Variants in MECOM observed in about 807,000 individuals in gnomAD.
MECOM encodes the protein histone-lysine N-methyltransferase MECOM.
A neutral mutation model predicts 116.3 loss-of-function variants in MECOM; 13 were observed. The observed-to-expected ratio is 0.11, with a 90% CI of 0.07 to 0.18. The LOEUF is 0.18. Among genes scored for constraint, MECOM ranks in the 10% least tolerant of loss-of-function variants. MECOM has a pLI of 1.00. For missense variants in MECOM, 1,299 were observed against 1,509.0 expected (o/e 0.86, Z 2.31); for synonymous variants, 528 against 535.2 (o/e 0.99, Z 0.19).
intron 1 of MECOM, among the ~76,000 whole-genome samples, chr3:169,487,536 GAAAAATA>G (rs1269286141): frequency 3.3e-5 from 5 of 151,270 alleles, no homozygotes; most frequent in Admixed American, 1.3e-4. Context: ...GTAGGAGAGG[GAAAAATA>G]AAAAATAAAT....
At position 169,090,013 on chromosome 3, in the gene MECOM, T is replaced by C; in HGVS notation, c.3388A>G (p.Thr1130Ala). The C allele has an allele frequency of 6.2e-7, 1 of 1,613,274 alleles. No individual in the cohort carries two copies. The highest frequency in any genetic ancestry group is 1.1e-5 in the South Asian group (1 of 91,002). Residue 1130 changes from threonine to alanine, a missense_variant, in exon 15 of 17, where the codon ACA becomes GCA. Thr to Ala is a moderately conservative substitution (Grantham distance 58, BLOSUM62 0). This residue lies in a region of MECOM where 273 missense variants were observed against 289.3 expected (regional missense o/e 0.94). Transcript: ENST00000651503. The part of the protein sequence containing the change: ...ETSALEMSCK[T>A]SPVRYKEEEY... ...CAAGGTACTCACCTCACTGGGGATG[T>C]CTTGCAACTCATCTCCAGGGCACTG...
intron 1 of MECOM, among the ~76,000 whole-genome samples, chr3:169,640,399 A>G (rs1005075028): frequency 4.6e-5 from 7 of 152,246 alleles, no homozygotes; most frequent in African/African-American, 1.7e-4. Flanking sequence ...TCACCATTCT[A>G]AAATTTTAAT....
chr3:169,591,229 C>G (rs529280051), intron 1 of MECOM, among the ~76,000 whole-genome samples: 8 of 152,254 alleles, frequency 5.3e-5, no homozygotes, highest in African/African-American at 1.7e-4. Context: ...ATAACAGAAT[C>G]CTTTTGTACA....
At chr3:169,086,398 A>G (rs1717753754) in intron 16 of MECOM, 1 of 595,478 alleles carries the variant, frequency 1.7e-6, no homozygotes. Context: ...GAACAAGATA[A>G]AGAGTACTCT....
chr3:169,287,773 G>A (rs1713644438), intron 2 of MECOM, among the ~76,000 whole-genome samples: 1 of 152,148 alleles, frequency 6.6e-6, no homozygotes, highest in African/African-American at 2.4e-5. Flanking sequence ...GGAAGAGCAA[G>A]AACATATTAG....
At chr3:169,288,815 T>C (rs1713893629) in intron 2 of MECOM, among the ~76,000 whole-genome samples, 2 of 152,218 alleles carry the variant, frequency 1.3e-5, no homozygotes, top group Non-Finnish European at 2.9e-5. Flanking sequence ...CAACTACCTG[T>C]GTTATCCTCA....
intron 2 of MECOM, among the ~76,000 whole-genome samples, chr3:169,215,063 C>T (rs1751251945): frequency 6.6e-6 from 1 of 150,904 alleles, no homozygotes. Flanking sequence ...AAATCAGTAT[C>T]ATTTATTGAA....
chr3:169,618,549 C>G (rs1220180454), intron 1 of MECOM, among the ~76,000 whole-genome samples: 7 of 152,034 alleles, frequency 4.6e-5, no homozygotes, highest in Non-Finnish European at 1.0e-4. Flanking sequence ...CCCAGCTACT[C>G]AGGAGCCTGA....
chr3:169,661,362 C>G (rs924765957), intron 1 of MECOM, among the ~76,000 whole-genome samples: 8 of 151,296 alleles, frequency 5.3e-5, no homozygotes, highest in African/African-American at 7.3e-5. Flanking sequence ...AATCGAAGCC[C>G]GCAAACCTCA....
At chr3:169,506,595 G>A (rs1392796694) in intron 1 of MECOM, among the ~76,000 whole-genome samples, 1 of 152,056 alleles carries the variant, frequency 6.6e-6, no homozygotes, top group East Asian at 1.9e-4. Context: ...TCTTTAAAAA[G>A]CCTTAATGTT....
At chr3:169,134,018 A>G (rs1283923914) in intron 3 of MECOM, 1 of 1,167,024 alleles carries the variant, frequency 8.6e-7, no homozygotes, top group East Asian at 5.7e-5. Context: ...CTTCTCGGAA[A>G]TAGTGAGGTT....
intron 1 of MECOM, among the ~76,000 whole-genome samples, chr3:169,524,730 T>C (rs1168257983): frequency 1.3e-5 from 2 of 152,214 alleles, no homozygotes; most frequent in African/African-American, 4.8e-5. Context: ...TTGCTTTAAT[T>C]TGGACTATCT....
At position 169,603,745 on chromosome 3, in the gene MECOM, T is replaced by C. The variant is rs78713171; in HGVS notation, c.37+59591A>G. ...CAGGGTACACCATACGGCTTCAATG[T>C]GCAATAGGCTAAATTAAGGTTTGGG... On this transcript the variant is annotated intron_variant, in intron 1 of 16. Coordinates refer to ENST00000651503, the MANE Select transcript of MECOM (RefSeq NM_004991.4). Among the ~76,000 whole-genome samples, 2,409 of 152,350 alleles carry C rather than the reference T, an allele frequency of 0.016. 220 individuals are homozygous for C. The East Asian group carries it at 0.28, about 18-fold the overall frequency.
At chr3:169,210,391 C>T (rs1750555901) in intron 2 of MECOM, among the ~76,000 whole-genome samples, 1 of 151,960 alleles carries the variant, frequency 6.6e-6, no homozygotes, top group African/African-American at 2.4e-5. Context: ...AATAGCTGTA[C>T]CAAGAAACAT....
At chr3:169,445,542 A>G (rs2108635623) in intron 1 of MECOM, among the ~76,000 whole-genome samples, 1 of 152,334 alleles carries the variant, frequency 6.6e-6, no homozygotes, top group African/African-American at 2.4e-5. Context: ...TGCTGCAGGG[A>G]CGGGGCCCTC....
chr3:169,341,236 G>A (rs1306818467), intron 2 of MECOM, among the ~76,000 whole-genome samples: 1 of 151,986 alleles, frequency 6.6e-6, no homozygotes, highest in Non-Finnish European at 1.5e-5. Flanking sequence ...TAAGATCTAT[G>A]TTGCAACAAC....
intron 3 of MECOM, among the ~76,000 whole-genome samples, chr3:169,139,366 T>C (rs979679128): frequency 6.6e-6 from 1 of 151,946 alleles, no homozygotes; most frequent in Non-Finnish European, 1.5e-5. Context: ...AACTTTATTC[T>C]ACTCATAGAC....
rs1478133405 is a variant in MECOM at position 169,146,344 on chromosome 3, A to C, written c.376-2512T>G. The C allele has an allele frequency of 2.3e-6, 3 of 1,325,450 alleles. No individual in the cohort carries two copies. The African/African-American group carries it at 4.4e-5, about 20-fold the overall frequency. 82.1% of individuals were successfully genotyped at this position (1,325,450 alleles called of 1,614,324 possible). A position where few individuals can be genotyped will look rare whatever the true frequency, so the allele number is the denominator to read the frequency against. The stretch of plus-strand genomic sequence containing the variant: ...AGAGCGGCTCCAAAGTCGCGTGGCC[A>C]GTGCCAGGAATTCAGATTTTGGCAA... On this transcript the variant is annotated intron_variant, in intron 2 of 16. Coordinates refer to ENST00000651503, the MANE Select transcript of MECOM (RefSeq NM_004991.4).
Position 169,115,925 on chromosome 3 carries a change from C to T in MECOM, c.1947G>A (p.Glu649=), listed in dbSNP as rs1729023174. The change falls in exon 8 of 17, where the codon GAG becomes GAA. Residue 649 remains glutamate (E), a synonymous_variant. Transcript: ENST00000651503. ...CAGCTCCTGACACCGCAGTCTGCTC[C>T]TCTAAAGATGGTGAGAAAATGGAAT... ...SNHSIFSPSL[E]EQTAVSGAVN... 4 of 1,613,968 alleles carry T rather than the reference C, an allele frequency of 2.5e-6. No homozygotes were observed. Among genetic ancestry groups the T allele is most frequent in the Non-Finnish European group, 3.4e-6 (4 of 1,180,042 alleles).
Sources: gnomAD v4.1 joint callset for allele counts (sites outside exome capture counted in the v4.1 genomes callset) on GRCh38, gnomAD v4.1.1 for gene constraint, gnomAD v4.1.1 regional missense constraint, MANE v1.5 for transcripts, NCBI Gene and HGNC (gene_info 2026-07-23, HGNC 2026-07-21) for gene names.